The following TNC variants were observed in gnomAD, a reference collection of about 807,000 sequenced individuals.
TNC encodes the protein tenascin C, also known as tenascin.
TNC carries 109 observed loss-of-function variants against 202.4 expected under a neutral mutation model. The ratio of observed to expected loss-of-function variants is 0.54; its 90% CI spans 0.46 to 0.63. TNC has a LOEUF of 0.63. Ranked by LOEUF, TNC falls within the 30% of genes least tolerant of loss-of-function variation. TNC has a pLI of 0.00. For synonymous variants in TNC, 1,007 were observed against 1,089.7 expected (o/e 0.92, Z 1.50); for missense variants, 2,756 against 2,833.3 (o/e 0.97, Z 0.62).
At chr9:115,044,224 A>G (rs1296421019) in intron 17 of TNC, among the ~76,000 whole-genome samples, 1 of 151,662 alleles carries the variant, frequency 6.6e-6, no homozygotes, top group Non-Finnish European at 1.5e-5. Context: ...AAGAGTTTAC[A>G]ATGGTATGAG....
chr9:115,101,761 G>T (rs1836255475), intron 1 of TNC, among the ~76,000 whole-genome samples: 1 of 152,142 alleles, frequency 6.6e-6, no homozygotes, highest in Non-Finnish European at 1.5e-5. Flanking sequence ...TCATACACAA[G>T]CAAGGTCTGG....
At chr9:115,055,442 C>A (rs1396120365) in intron 15 of TNC, 1 of 152,478 alleles carries the variant, frequency 6.6e-6, no homozygotes, top group Non-Finnish European at 1.5e-5. Context: ...AGAGGAAATT[C>A]AATGAAGAGT....
At chr9:115,108,038 A>T (rs1228669087) in intron 1 of TNC, among the ~76,000 whole-genome samples, 2 of 152,202 alleles carry the variant, frequency 1.3e-5, no homozygotes, top group Non-Finnish European at 2.9e-5. Flanking sequence ...GGCTTCCAGA[A>T]TCTGCTGAGG....
chr9:115,024,274 A>T, intron 26 of TNC, 138 bp from the exon 27 acceptor site: 3 of 822,566 alleles, frequency 3.6e-6, no homozygotes, highest in East Asian at 5.2e-5. Context: ...CAGAGTCAGC[A>T]TTGAATGCGG....
chr9:115,090,859 A>T lies in TNC; in HGVS notation c.160T>A (p.Tyr54Asn), dbSNP rs1246297661. The T allele has an allele frequency of 3.1e-6, 5 of 1,614,080 alleles. No individual in the cohort carries two copies. Among genetic ancestry groups the T allele is most frequent in the Non-Finnish European group, 4.2e-6 (5 of 1,180,032 alleles). The change falls in exon 2 of 28, where the codon TAC becomes AAC. Residue 54 changes from tyrosine to asparagine, a missense_variant. Tyr to Asn is a moderately radical substitution (Grantham distance 143, BLOSUM62 -2). Around this residue, in one of 2 missense-constraint regions of TNC, gnomAD observed 2,559 missense variants for 2,546.0 expected, o/e 1.01. Coordinates refer to ENST00000350763, the MANE Select transcript of TNC (RefSeq NM_002160.4). ...GATCCCACTGGCAGCTTGATGTTGTAAACGTGGTTAAACACCACTGGCTGG... is the reference window on the plus strand; with the variant it reads ...GATCCCACTGGCAGCTTGATGTTGTTAACGTGGTTAAACACCACTGGCTGG... ...ENQPVVFNHVYNIKLPVGSQC... is the reference protein window; with the variant it reads ...ENQPVVFNHVNNIKLPVGSQC...
At chr9:115,041,315 A>AGGGG (rs1830737472) in intron 18 of TNC, among the ~76,000 whole-genome samples, 1 of 122,742 alleles carries the variant, frequency 8.1e-6, no homozygotes, top group East Asian at 2.3e-4. Context: ...GGGGCGGGGG[A>AGGGG]AAACATGAAG....
At chr9:115,052,074 A>C (rs1343160577) in intron 15 of TNC, among the ~76,000 whole-genome samples, 1 of 142,472 alleles carries the variant, frequency 7.0e-6, no homozygotes, top group Admixed American at 7.2e-5. Flanking sequence ...ATGTGTGTAT[A>C]TATACATATA....
chr9:115,100,890 A>C (rs915495304), intron 1 of TNC, among the ~76,000 whole-genome samples: 2 of 152,138 alleles, frequency 1.3e-5, no homozygotes, highest in African/African-American at 4.8e-5. Flanking sequence ...TACCTCAATA[A>C]AGCTGGGGGA....
At chr9:115,116,393 C>T (rs1034863093) in intron 1 of TNC, among the ~76,000 whole-genome samples, 1 of 152,202 alleles carries the variant, frequency 6.6e-6, no homozygotes, top group Non-Finnish European at 1.5e-5. Context: ...AGCACGCTGA[C>T]TTACATCTCC....
intron 1 of TNC, among the ~76,000 whole-genome samples, chr9:115,112,913 A>G (rs1480024599): frequency 6.6e-6 from 1 of 152,140 alleles, no homozygotes; most frequent in Non-Finnish European, 1.5e-5. Flanking sequence ...CCTGCAGGGC[A>G]CTCATGGCTT....
At chr9:115,079,177 A>G (rs1834108658) in intron 6 of TNC, among the ~76,000 whole-genome samples, 1 of 151,124 alleles carries the variant, frequency 6.6e-6, no homozygotes, top group Non-Finnish European at 1.5e-5. Flanking sequence ...AGAGACAGGC[A>G]TATTCTGGGT....
intron 1 of TNC, among the ~76,000 whole-genome samples, chr9:115,093,208 T>A (rs1740996065): frequency 1.3e-5 from 2 of 152,158 alleles, no homozygotes; most frequent in Non-Finnish European, 2.9e-5. Flanking sequence ...AAAGCACTAG[T>A]GAATTTAACT....
intron 27 of TNC, among the ~76,000 whole-genome samples, chr9:115,023,560 G>A (rs924075003): frequency 5.3e-5 from 8 of 152,150 alleles, no homozygotes; most frequent in Non-Finnish European, 1.0e-4. Flanking sequence ...CTTCACAAAA[G>A]GAGGAGATTT....
intron 10 of TNC, among the ~76,000 whole-genome samples, chr9:115,071,228 A>T (rs1833445620): frequency 6.6e-6 from 1 of 152,248 alleles, no homozygotes; most frequent in Admixed American, 6.5e-5. Context: ...GCTTCACCTT[A>T]AATGAAACAT....
chr9:115,069,618 CTCTCCCTCCCTCCCTCCCTCCCTT>C (rs1564467052), intron 10 of TNC, among the ~76,000 whole-genome samples: 5 of 8,440 alleles, frequency 5.9e-4, no homozygotes, highest in Admixed American at 8.2e-4. Context: ...CTCCCTCCCT[CTCTCCCTCCCTCCCTCCCTCCCTT>C]CCTCCCTCCC....
Position 115,021,090 on chromosome 9 carries a change from G to T in TNC, c.*67C>A. On this transcript the variant is annotated 3_prime_UTR_variant, in exon 28 of 28. Coordinates refer to ENST00000350763, the MANE Select transcript of TNC (RefSeq NM_002160.4). Reference sequence around the variant, plus strand: ...GACCGATGGTTGGGCTGGTTGTATTGATGCTTTGGTAAAATCCTTTCCTCG... The same window carrying T: ...GACCGATGGTTGGGCTGGTTGTATTTATGCTTTGGTAAAATCCTTTCCTCG... The T allele has an allele frequency of 1.5e-6, 2 of 1,342,158 alleles. No individual in the cohort carries two copies. The highest frequency in any genetic ancestry group is 1.2e-5 in the South Asian group (1 of 82,056). 83.1% of individuals were successfully genotyped at this position (1,342,158 alleles called of 1,614,324 possible).
rs543300151 is a variant in TNC, at chr9:115,029,116, C to T, written c.6169+244G>A. 4.0e-5 allele frequency among the ~76,000 whole-genome samples: 6 copies of T among 148,282 alleles called. No homozygotes were observed. The East Asian group carries it at 1.0e-3, about 25-fold the overall frequency. On this transcript the variant is annotated intron_variant, in intron 25 of 27. Coordinates refer to ENST00000350763, the MANE Select transcript of TNC (RefSeq NM_002160.4). ...TCTTTTTTTCTGGGCGTGTCCTTAA[C>T]GTTGGCTAAGTAAACCTCTAAATTG...
intron 25 of TNC, among the ~76,000 whole-genome samples, 190 bp downstream of exon 25, chr9:115,029,170 T>C (rs1464137348): frequency 6.6e-6 from 1 of 152,064 alleles, no homozygotes; most frequent in East Asian, 1.9e-4. Flanking sequence ...TACTTTTTGG[T>C]TTACATTTTG....
At chr9:115,071,275 T>C (rs1361225585) in intron 10 of TNC, among the ~76,000 whole-genome samples, 1 of 152,188 alleles carries the variant, frequency 6.6e-6, no homozygotes, top group African/African-American at 2.4e-5. Context: ...ATGGGGGAAA[T>C]AGTCTGTGGA....
Sources: gnomAD v4.1 joint callset for allele counts (sites outside exome capture counted in the v4.1 genomes callset) on GRCh38, gnomAD v4.1.1 for gene constraint, gnomAD v4.1.1 regional missense constraint, MANE v1.5 for transcripts, NCBI Gene and HGNC (gene_info 2026-07-23, HGNC 2026-07-21) for gene names.